The following AFG1L variants were observed in gnomAD, a reference collection of about 807,000 sequenced individuals.
AFG1L encodes AFG1 like ATPase, also known as AFG1-like ATPase.
In AFG1L, 53 loss-of-function variants were observed where a neutral mutation model predicts 62.2. The observed-to-expected ratio is 0.85, with a 90% confidence interval of 0.68 to 1.07. AFG1L has a LOEUF of 1.07. Among genes scored for constraint, AFG1L ranks in the 50% least tolerant of loss-of-function variants. The probability of loss-of-function intolerance (pLI) is 0.00; values close to 1 mark genes in which losing one functional copy is unlikely to be tolerated. For synonymous variants in AFG1L, 228 were observed against 210.3 expected (o/e 1.08, Z -0.73); for missense variants, 555 against 590.5 (o/e 0.94, Z 0.62).
At chr6:108,303,583 T>C (rs1488152136) in intron 1 of AFG1L, among the ~76,000 whole-genome samples, 2 of 152,210 alleles carry the variant, frequency 1.3e-5, no homozygotes, top group Admixed American at 6.5e-5. Flanking sequence ...CCTGCTTATC[T>C]TTCTTATTTC....
At chr6:108,440,799 C>T (rs1255626360) in intron 7 of AFG1L, among the ~76,000 whole-genome samples, 1 of 144,746 alleles carries the variant, frequency 6.9e-6, no homozygotes, top group Admixed American at 7.0e-5. Context: ...CCAGCCTGCA[C>T]AACAGAGTGA....
At chr6:108,491,094 T>TAC (rs1448746493) in intron 10 of AFG1L, among the ~76,000 whole-genome samples, 1 of 152,166 alleles carries the variant, frequency 6.6e-6, no homozygotes, top group East Asian at 1.9e-4. Context: ...TGTGTACAGA[T>TAC]ACACACACAC....
chr6:108,332,854 G>A (rs1337409266), intron 2 of AFG1L, among the ~76,000 whole-genome samples: 1 of 152,108 alleles, frequency 6.6e-6, no homozygotes, highest in Non-Finnish European at 1.5e-5. Flanking sequence ...CAATTCACCT[G>A]CCTCAGTCTT....
At chr6:108,447,581 C>T (rs555940540) in intron 8 of AFG1L, among the ~76,000 whole-genome samples, 21 of 152,196 alleles carry the variant, frequency 1.4e-4, no homozygotes, top group Admixed American at 4.6e-4. Flanking sequence ...TCTATTATTA[C>T]GAGAATATCT....
At chr6:108,516,626 A>G (rs1416278887) in intron 11 of AFG1L, among the ~76,000 whole-genome samples, 1 of 152,220 alleles carries the variant, frequency 6.6e-6, no homozygotes, top group Non-Finnish European at 1.5e-5. Flanking sequence ...ACTCCTATTC[A>G]ACATAGTGTT....
At chr6:108,521,565 G>C (rs969352369) in intron 12 of AFG1L, 1 of 152,154 alleles carries the variant, frequency 6.6e-6, no homozygotes, top group African/African-American at 2.4e-5. Context: ...AAGAAATCAG[G>C]GAATGTGATC....
At chr6:108,507,939 G>C (rs953747507) in intron 10 of AFG1L, among the ~76,000 whole-genome samples, 3 of 152,112 alleles carry the variant, frequency 2.0e-5, no homozygotes, top group Non-Finnish European at 2.9e-5. Flanking sequence ...TTCCTCTTGA[G>C]AATGACATAC....
At chr6:108,501,659 T>A (rs937563471) in intron 10 of AFG1L, among the ~76,000 whole-genome samples, 2 of 152,108 alleles carry the variant, frequency 1.3e-5, no homozygotes, top group Non-Finnish European at 2.9e-5. Context: ...GAAGATTCTG[T>A]GTAGAGTGTT....
chr6:108,336,700 C>T (rs147140737), intron 2 of AFG1L, among the ~76,000 whole-genome samples: 2 of 152,086 alleles, frequency 1.3e-5, no homozygotes, highest in African/African-American at 4.8e-5. Context: ...ACAGTAGTCA[C>T]CTTACCAAAT....
chr6:108,386,845 T>C (rs1390673723), intron 6 of AFG1L, among the ~76,000 whole-genome samples: 1 of 152,078 alleles, frequency 6.6e-6, no homozygotes, highest in Admixed American at 6.5e-5. Context: ...AAGTAGAGCA[T>C]GAAAAGCTAA....
intron 8 of AFG1L, among the ~76,000 whole-genome samples, chr6:108,453,563 C>G (rs6568543): frequency 0.67 from 102,351 of 152,154 alleles, 36,162 homozygotes; most frequent in African/African-American, 0.91. Flanking sequence ...ACTGAAGCTT[C>G]TATGTGTTAA....
rs569660155 is a variant in AFG1L, at chr6:108,503,018, C to T, written c.1063-7194C>T. On this transcript the variant is annotated intron_variant, in intron 10 of 12. Coordinates refer to ENST00000368977, the MANE Select transcript of AFG1L (RefSeq NM_145315.5). ...CAGTTCAAGTTTGATCATGAGATTG[C>T]AGCAATTCAGCCATATCTTCAGGCT... Among the ~76,000 whole-genome samples the T allele has an allele frequency of 4.6e-5, 7 of 152,330 alleles. No homozygotes were observed. In the South Asian group the frequency reaches 1.5e-3, roughly 32 times the overall value.
chr6:108,333,974 T>C lies in AFG1L; in HGVS notation c.363+9926T>C, dbSNP rs1187734976. The stretch of plus-strand genomic sequence containing the variant: ...TGTGAAAATATTTTACATGTGATTG[T>C]GAGATATTTCAACAGGTTAGTTTTG... On this transcript the variant is annotated intron_variant, in intron 2 of 12. Coordinates refer to ENST00000368977, the MANE Select transcript of AFG1L (RefSeq NM_145315.5). Among the ~76,000 whole-genome samples, 3 of 152,278 alleles carry C rather than the reference T, an allele frequency of 2.0e-5. No individual in the cohort carries two copies. In the East Asian group the frequency reaches 5.8e-4, roughly 29 times the overall value.
intron 1 of AFG1L, chr6:108,318,304 C>A (rs971824793): frequency 1.0e-5 from 4 of 391,432 alleles, no homozygotes; most frequent in African/African-American, 2.2e-5. Flanking sequence ...AGCTTGAATG[C>A]GTTGAGCCCA....
intron 1 of AFG1L, among the ~76,000 whole-genome samples, chr6:108,307,545 A>C (rs1777251866): frequency 6.6e-6 from 1 of 151,384 alleles, no homozygotes; most frequent in Admixed American, 6.6e-5. Flanking sequence ...TGAGTAACTG[A>C]GACTACAGGC....
intron 8 of AFG1L, among the ~76,000 whole-genome samples, chr6:108,449,764 A>G (rs535169673): frequency 2.4e-4 from 37 of 151,988 alleles, no homozygotes; most frequent in African/African-American, 8.7e-4. Flanking sequence ...TCCCCACCCA[A>G]CAACAGGCCC....
chr6:108,519,904 T>C (rs938836818), intron 12 of AFG1L, 94 bp downstream of exon 12: 27 of 688,576 alleles, frequency 3.9e-5, no homozygotes, highest in Non-Finnish European at 5.3e-5. Flanking sequence ...AAATGCAGTG[T>C]ATAGTTAACC....
chr6:108,432,909 A>C (rs886343305), intron 7 of AFG1L, among the ~76,000 whole-genome samples: 3 of 152,214 alleles, frequency 2.0e-5, no homozygotes, highest in Non-Finnish European at 2.9e-5. Context: ...CTTCCCTGCC[A>C]CTGGCATTGG....
intron 8 of AFG1L, among the ~76,000 whole-genome samples, chr6:108,457,994 T>G (rs1772317691): frequency 6.6e-6 from 1 of 152,056 alleles, no homozygotes; most frequent in African/African-American, 2.4e-5. Flanking sequence ...CTTGCATTGT[T>G]TCTCATGAAA....
Sources: gnomAD v4.1 joint callset for allele counts (sites outside exome capture counted in the v4.1 genomes callset) on GRCh38, gnomAD v4.1.1 for gene constraint, MANE v1.5 for transcripts, NCBI Gene and HGNC (gene_info 2026-07-23, HGNC 2026-07-21) for gene names.